CCDC181: variants seen among roughly 807,000 people sequenced by gnomAD.
CCDC181 encodes coiled-coil domain-containing protein 181.
Under a neutral mutation model 58.7 loss-of-function variants are expected in CCDC181, and 35 were observed. The observed-to-expected ratio is 0.60, with a 90% CI of 0.46 to 0.79. CCDC181 has a LOEUF of 0.79. CCDC181 is among the 30% of genes least tolerant of loss of function. CCDC181 has a pLI of 0.00. For missense variants in CCDC181, 517 were observed against 583.9 expected, an observed-to-expected ratio of 0.89 and a Z score of 1.18; for synonymous variants, 183 against 197.5, an observed-to-expected ratio of 0.93 and a Z score of 0.62.
chr1:169,406,843 A>G (rs1476678620), intron 4 of CCDC181, among the ~76,000 whole-genome samples: 1 of 152,098 alleles, frequency 6.6e-6, no homozygotes, highest in African/African-American at 2.4e-5. Flanking sequence ...TAAACCAACA[A>G]ACAAACACAA....
chr1:169,413,579 T>C (rs1403030487), intron 4 of CCDC181, among the ~76,000 whole-genome samples: 1 of 152,206 alleles, frequency 6.6e-6, no homozygotes, highest in Non-Finnish European at 1.5e-5. Context: ...TGTATGTTTA[T>C]TGAGGCACTA....
upstream of CCDC181, among the ~76,000 whole-genome samples, chr1:169,432,077 C>G (rs1002458895): frequency 6.6e-6 from 1 of 151,694 alleles, no homozygotes; most frequent in Non-Finnish European, 1.5e-5. Flanking sequence ...TAAAGATGCT[C>G]AAATAACTAA....
At chr1:169,428,505 T>A (rs1656807855), upstream of CCDC181, among the ~76,000 whole-genome samples, 3 of 151,460 alleles carry the variant, frequency 2.0e-5, no homozygotes, top group Admixed American at 1.3e-4. Context: ...TGATAGCAGC[T>A]TTTTTTTTAA....
At chr1:169,458,629 G>C (rs774227553) in intron 2 of CCDC181, among the ~76,000 whole-genome samples, 1 of 151,942 alleles carries the variant, frequency 6.6e-6, no homozygotes, top group Non-Finnish European at 1.5e-5. Context: ...TCTTTTTCAA[G>C]TCAGTCTTGT....
At chr1:169,452,924 T>C (rs961252172) in intron 2 of CCDC181, among the ~76,000 whole-genome samples, 2 of 152,122 alleles carry the variant, frequency 1.3e-5, no homozygotes, top group African/African-American at 4.8e-5. Context: ...CATTCAAGTC[T>C]AAAGCACTAT....
intron 2 of CCDC181, among the ~76,000 whole-genome samples, chr1:169,443,588 G>T (rs1325597670): frequency 6.6e-6 from 1 of 152,058 alleles, no homozygotes; most frequent in Non-Finnish European, 1.5e-5. Context: ...CCATATCATT[G>T]AATCTAAGTG....
At chr1:169,414,508 C>T (rs1001129788) in intron 4 of CCDC181, among the ~76,000 whole-genome samples, 2 of 152,158 alleles carry the variant, frequency 1.3e-5, no homozygotes, top group Non-Finnish European at 2.9e-5. Flanking sequence ...ATGCAGAATA[C>T]ACAAGGTATA....
intron 2 of CCDC181, chr1:169,442,664 A>G (rs187847485): frequency 6.6e-6 from 1 of 152,244 alleles, no homozygotes; most frequent in African/African-American, 2.4e-5. Context: ...TATATTTGAA[A>G]TGGGTACATT....
chr1:169,424,972 G>A (rs1269061098), intron 1 of CCDC181, 22 bp from the exon 2 acceptor site: 3 of 1,230,636 alleles, frequency 2.4e-6, no homozygotes, highest in Non-Finnish European at 3.6e-6. Context: ...TAAAAGATAA[G>A]GTATATGTTA....
chr1:169,409,773 A>G (rs1369019353), intron 4 of CCDC181, among the ~76,000 whole-genome samples: 1 of 152,182 alleles, frequency 6.6e-6, no homozygotes, highest in African/African-American at 2.4e-5. Flanking sequence ...AGAATTTCAT[A>G]TCCAGCCAAA....
At chr1:169,408,940 G>A (rs190382972) in intron 4 of CCDC181, among the ~76,000 whole-genome samples, 94 of 152,274 alleles carry the variant, frequency 6.2e-4, no homozygotes, top group African/African-American at 2.0e-3. Context: ...AAAGCCCTGC[G>A]CAAAAAGGCT....
intron 2 of CCDC181, among the ~76,000 whole-genome samples, chr1:169,444,133 G>A (rs990192504): frequency 2.0e-5 from 3 of 152,110 alleles, no homozygotes; most frequent in Admixed American, 2.0e-4. Context: ...TACCTTTATG[G>A]CAAAAAGCCA....
chr1:169,409,517 T>G (rs1655845402), intron 4 of CCDC181, among the ~76,000 whole-genome samples: 1 of 151,942 alleles, frequency 6.6e-6, no homozygotes, highest in Non-Finnish European at 1.5e-5. Flanking sequence ...AGGCAAACAT[T>G]CAAATTTAGG....
chr1:169,449,714 G>T (rs1226606978), intron 2 of CCDC181, among the ~76,000 whole-genome samples: 2 of 152,210 alleles, frequency 1.3e-5, no homozygotes, highest in African/African-American at 2.4e-5. Flanking sequence ...AAAGATGAAG[G>T]CTGGAAGACT....
intron 2 of CCDC181, chr1:169,454,335 A>T (rs952521721): frequency 3.3e-5 from 5 of 152,122 alleles, no homozygotes; most frequent in African/African-American, 4.8e-5. Flanking sequence ...AAAGTTATGT[A>T]TAGATAATTC....
intron 2 of CCDC181, chr1:169,443,280 C>G (rs768438815): frequency 1.3e-5 from 2 of 151,962 alleles, no homozygotes; most frequent in Non-Finnish European, 2.9e-5. Context: ...ATTTTTACAG[C>G]CTTATTTCAT....
chr1:169,447,561 T>C (rs1468679009), intron 2 of CCDC181, among the ~76,000 whole-genome samples: 1 of 152,242 alleles, frequency 6.6e-6, no homozygotes, highest in Admixed American at 6.5e-5. Flanking sequence ...TTGATAGTAC[T>C]ATTCAGGTCA....
chr1:169,406,175 A>G (rs183517359), intron 4 of CCDC181, among the ~76,000 whole-genome samples: 136 of 152,336 alleles, frequency 8.9e-4, no homozygotes, highest in African/African-American at 3.2e-3. Flanking sequence ...GTGGAGAAAT[A>G]GGAACTCTTT....
intron 2 of CCDC181, among the ~76,000 whole-genome samples, chr1:169,451,893 C>T (rs1409964058): frequency 6.6e-6 from 1 of 151,986 alleles, no homozygotes; most frequent in Non-Finnish European, 1.5e-5. Flanking sequence ...CCAAGAGAAC[C>T]AGCGTGGGTG....
Sources: gnomAD v4.1 joint callset for allele counts (sites outside exome capture counted in the v4.1 genomes callset) on GRCh38, gnomAD v4.1.1 for gene constraint, MANE v1.5 for transcripts, NCBI Gene and HGNC (gene_info 2026-07-23, HGNC 2026-07-21) for gene names.